The following ETV1 variants were observed in gnomAD, a reference collection of about 807,000 sequenced individuals.
ETV1 encodes the protein ETS translocation variant 1.
ETV1 carries 27 observed loss-of-function variants against 62.3 expected under a neutral mutation model. The observed-to-expected ratio is 0.43, with a 90% CI of 0.32 to 0.60. The LOEUF is 0.60. Among genes scored for constraint, ETV1 ranks in the 20% least tolerant of loss-of-function variants. ETV1 has a pLI of 0.06. For missense variants in ETV1, 605 were observed against 605.8 expected (o/e 1.00, Z 0.01); for synonymous variants, 222 against 199.6 (o/e 1.11, Z -0.94).
chr7:13,942,328 T>G (rs1787652260), intron 6 of ETV1, among the ~76,000 whole-genome samples: 1 of 149,866 alleles, frequency 6.7e-6, no homozygotes, highest in Non-Finnish European at 1.5e-5. Context: ...CGGCCTCTTT[T>G]TTTAAACAAG....
chr7:13,938,283 C>A (rs184990478), intron 7 of ETV1, among the ~76,000 whole-genome samples: 6 of 152,054 alleles, frequency 3.9e-5, no homozygotes, highest in Non-Finnish European at 7.4e-5. Context: ...ACATAAACAG[C>A]GTATGCAATA....
intron 9 of ETV1, among the ~76,000 whole-genome samples, chr7:13,917,580 G>A (rs1333624577): frequency 6.6e-6 from 1 of 151,486 alleles, no homozygotes; most frequent in Admixed American, 6.6e-5. Context: ...GCCTCCCAAA[G>A]TACTGGGGTT....
Position 13,891,269 on chromosome 7 carries a change from G to C in ETV1, c.*4597C>G, listed in dbSNP as rs1781369315. On this transcript the variant is annotated 3_prime_UTR_variant, in exon 14 of 14. Transcript: ENST00000430479. ...CTTTTATTTTAGATTTAAATTTTGAGCATATTTAATTTGCTATAATCATGA... is the reference window on the plus strand; with the variant it reads ...CTTTTATTTTAGATTTAAATTTTGACCATATTTAATTTGCTATAATCATGA... The C allele has an allele frequency of 4.4e-6, 1 of 226,960 alleles. No homozygotes were observed. Among genetic ancestry groups the C allele is most frequent in the Non-Finnish European group, 8.7e-6 (1 of 114,454 alleles). 14.1% of individuals were successfully genotyped at this position (226,960 alleles called of 1,614,324 possible). A position where few individuals can be genotyped will look rare whatever the true frequency, so the allele number is the denominator to read the frequency against.
rs756103779 is a variant in ETV1 at position 13,895,287 on chromosome 7, A to C, written c.*579T>G. 1 of 233,852 alleles carries C rather than the reference A, an allele frequency of 4.3e-6. No homozygotes were observed. Among genetic ancestry groups the C allele is most frequent in the Non-Finnish European group, 8.5e-6 (1 of 118,262 alleles). 14.5% of individuals were successfully genotyped at this position (233,852 alleles called of 1,614,324 possible). ...CTCTGCAAGTCATATATAAAGCAAA[A>C]TAAAACAACAAACAGCAAATGCAAT... On this transcript the variant is annotated 3_prime_UTR_variant, in exon 14 of 14. Transcript: ENST00000430479.
intron 12 of ETV1, among the ~76,000 whole-genome samples, chr7:13,903,367 G>C (rs953044882): frequency 6.6e-5 from 10 of 152,098 alleles, no homozygotes; most frequent in Admixed American, 2.6e-4. Context: ...ACAACAATCA[G>C]GGCCTGGCTA....
chr7:13,942,259 G>A (rs1453225354), intron 6 of ETV1, among the ~76,000 whole-genome samples: 3 of 151,990 alleles, frequency 2.0e-5, no homozygotes, highest in Non-Finnish European at 2.9e-5. Flanking sequence ...TCCTGACCTC[G>A]TGATCCGCCT....
chr7:13,908,891 A>G (rs1400516107), intron 11 of ETV1, among the ~76,000 whole-genome samples: 2 of 152,062 alleles, frequency 1.3e-5, no homozygotes, highest in Non-Finnish European at 2.9e-5. Context: ...AAAGCAGGAA[A>G]TATGAAAACC....
At chr7:13,920,606 C>T (rs1287668066) in intron 9 of ETV1, among the ~76,000 whole-genome samples, 1 of 152,186 alleles carries the variant, frequency 6.6e-6, no homozygotes, top group African/African-American at 2.4e-5. Context: ...TTAAGACAGC[C>T]TTCAGCCTTC....
intron 13 of ETV1, among the ~76,000 whole-genome samples, chr7:13,899,973 A>G (rs1393808192): frequency 2.6e-5 from 4 of 152,212 alleles, no homozygotes; most frequent in Non-Finnish European, 1.5e-5. Flanking sequence ...TTCTAAGAAC[A>G]CAAAAATTAG....
At chr7:13,952,218 A>G (rs184696023) in intron 6 of ETV1, among the ~76,000 whole-genome samples, 2 of 152,006 alleles carry the variant, frequency 1.3e-5, no homozygotes, top group Admixed American at 6.6e-5. Context: ...TAACTGTGCA[A>G]CCTCCCTGGC....
intron 6 of ETV1, among the ~76,000 whole-genome samples, chr7:13,951,455 T>C (rs560894025): frequency 2.4e-4 from 36 of 152,306 alleles, no homozygotes; most frequent in African/African-American, 8.4e-4. Context: ...ACCTGCCTCA[T>C]AGAGTTTCCG....
rs756885293 is a variant in ETV1 at position 13,895,366 on chromosome 7, C to T, written c.*500G>A. On this transcript the variant is annotated 3_prime_UTR_variant, in exon 14 of 14. Coordinates refer to ENST00000430479, the MANE Select transcript of ETV1 (RefSeq NM_004956.5). ...AAAACAGTCATTTCTAACAATTAAA[C>T]TGCCATTTACAGTAGATTGGGGTTT... is the stretch of plus-strand genomic sequence containing the variant. 3.8e-5 allele frequency: 9 copies of T among 234,408 alleles called. No individual in the cohort carries two copies. The highest frequency in any genetic ancestry group is 1.8e-4 in the African/African-American group (8 of 45,340). The allele number at this position is 234,408 out of a possible 1,614,324, so 14.5% of individuals were successfully genotyped here. A position where few individuals can be genotyped will look rare whatever the true frequency, so the allele number is the denominator to read the frequency against.
intron 6 of ETV1, among the ~76,000 whole-genome samples, chr7:13,969,653 A>G (rs1001129098): frequency 1.3e-5 from 2 of 152,184 alleles, no homozygotes; most frequent in African/African-American, 4.8e-5. Flanking sequence ...AGGAAGCTGC[A>G]TTTGCACAAG....
intron 7 of ETV1, among the ~76,000 whole-genome samples, chr7:13,938,644 A>C (rs1787093513): frequency 1.3e-5 from 2 of 152,228 alleles, no homozygotes; most frequent in Admixed American, 1.3e-4. Context: ...GCTTTTTAAT[A>C]GATAATAGCC....
intron 9 of ETV1, among the ~76,000 whole-genome samples, chr7:13,925,652 A>G (rs1785331730): frequency 6.7e-6 from 1 of 149,714 alleles, no homozygotes; most frequent in Non-Finnish European, 1.5e-5. Context: ...TGCAAGCTAC[A>G]CCTCCCTGGT....
Position 13,975,613 on chromosome 7 carries a change from G to C in ETV1, c.235+1814C>G, listed in dbSNP as rs576287814. ...AAGAAAAAAAAAAAGGAAAGGTTTCGGGACAGAACCCTAGGGAAAGAAGAG... is the reference window on the plus strand; with the variant it reads ...AAGAAAAAAAAAAAGGAAAGGTTTCCGGACAGAACCCTAGGGAAAGAAGAG... On this transcript the variant is annotated intron_variant, in intron 6 of 13. Coordinates refer to ENST00000430479, the MANE Select transcript of ETV1 (RefSeq NM_004956.5). 1.9e-3 allele frequency among the ~76,000 whole-genome samples: 281 copies of C among 148,354 alleles called. 2 individuals carry two copies. Among genetic ancestry groups the C allele is most frequent in the African/African-American group, 6.3e-3 (257 of 40,560 alleles).
At chr7:13,908,004 GT>G (rs573637447) in intron 11 of ETV1, 6 of 365,224 alleles carry the variant, frequency 1.6e-5, no homozygotes, top group South Asian at 6.6e-5. Context: ...GATTTACAAT[GT>G]TTTTTTTATG....
At chr7:13,964,260 T>A (rs1254526803) in intron 6 of ETV1, among the ~76,000 whole-genome samples, 5 of 152,126 alleles carry the variant, frequency 3.3e-5, no homozygotes, top group African/African-American at 1.2e-4. Context: ...TACTGAGAGG[T>A]TTGCTTCAAT....
chr7:13,947,718 G>A (rs187106370), intron 6 of ETV1, among the ~76,000 whole-genome samples: 1 of 152,276 alleles, frequency 6.6e-6, no homozygotes, highest in Admixed American at 6.5e-5. Context: ...CATTATATGA[G>A]ATTTTTATTC....
Sources: allele counts gnomAD v4.1 joint callset (sites outside exome capture counted in the v4.1 genomes callset), GRCh38; gene constraint gnomAD v4.1.1; transcripts MANE v1.5; gene names NCBI Gene and HGNC (gene_info 2026-07-23, HGNC 2026-07-21).